EBF1: variants seen among roughly 807,000 people sequenced by gnomAD.
EBF1 encodes the protein transcription factor COE1.
EBF1 carries 10 observed loss-of-function variants against 68.4 expected under a neutral mutation model. The observed-to-expected ratio is 0.15, with a 90% CI of 0.09 to 0.25. The LOEUF (loss-of-function observed/expected upper bound fraction) is 0.25, where lower values mean the gene tolerates loss of function less well. Ranked by LOEUF, EBF1 falls within the 10% of genes least tolerant of loss-of-function variation. EBF1 has a pLI of 1.00. For synonymous variants in EBF1, 298 were observed against 299.8 expected, an observed-to-expected ratio of 0.99 and a Z score of 0.06; for missense variants, 509 against 794.4, an observed-to-expected ratio of 0.64 and a Z score of 4.32.
intron 6 of EBF1, among the ~76,000 whole-genome samples, chr5:158,848,068 G>A (rs1791880104): frequency 6.6e-6 from 1 of 152,212 alleles, no homozygotes; most frequent in Admixed American, 6.5e-5. Context: ...ACTGCACCAT[G>A]TGTAAGGCCG....
At chr5:159,013,199 A>G (rs1398546686) in intron 6 of EBF1, among the ~76,000 whole-genome samples, 3 of 152,176 alleles carry the variant, frequency 2.0e-5, no homozygotes, top group Non-Finnish European at 2.9e-5. Context: ...ATGATCCATA[A>G]GTAATATATG....
At chr5:159,062,923 C>T (rs951728566) in intron 6 of EBF1, among the ~76,000 whole-genome samples, 3 of 152,148 alleles carry the variant, frequency 2.0e-5, no homozygotes, top group South Asian at 2.1e-4. Flanking sequence ...GCATGGTAAT[C>T]GTGTGAAGAT....
chr5:158,738,468 A>G (rs998516856), intron 10 of EBF1, among the ~76,000 whole-genome samples: 1 of 152,208 alleles, frequency 6.6e-6, no homozygotes, highest in Non-Finnish European at 1.5e-5. Context: ...CTTGAACTCA[A>G]TTATTCTCTA....
intron 6 of EBF1, among the ~76,000 whole-genome samples, chr5:158,948,374 G>A (rs1231457163): frequency 2.7e-5 from 4 of 149,566 alleles, no homozygotes; most frequent in African/African-American, 9.8e-5. Context: ...ACACTGGAAT[G>A]TTTAAAAAAA....
intron 9 of EBF1, 152 bp from the exon 10 acceptor site, chr5:158,777,691 G>T: frequency 1.3e-6 from 1 of 757,352 alleles, no homozygotes. Flanking sequence ...GAAAGACACT[G>T]ACAACAATAT....
chr5:159,008,985 G>A (rs1451683052), intron 6 of EBF1, among the ~76,000 whole-genome samples: 1 of 152,156 alleles, frequency 6.6e-6, no homozygotes, highest in Non-Finnish European at 1.5e-5. Flanking sequence ...GGAAGTAGGA[G>A]GTGATTTTGA....
Position 159,002,455 on chromosome 5 carries a change from A to G in EBF1, c.554+70941T>C, listed in dbSNP as rs1363449632. Among the ~76,000 whole-genome samples, 3 of 152,216 alleles carry G rather than the reference A, an allele frequency of 2.0e-5. No homozygotes were observed. The East Asian group carries it at 5.8e-4, about 29-fold the overall frequency. On this transcript the variant is annotated intron_variant, in intron 6 of 15. Coordinates refer to ENST00000313708, the MANE Select transcript of EBF1 (RefSeq NM_024007.5). ...TTGTCAACACAGTGATTGATGGTGT[A>G]GTTCATTAATGTGAGACGATTGTCA... is the stretch of plus-strand genomic sequence containing the variant.
chr5:159,094,187 A>C (rs1190871344), intron 4 of EBF1, among the ~76,000 whole-genome samples: 3 of 146,754 alleles, frequency 2.0e-5, no homozygotes, highest in Non-Finnish European at 3.0e-5. Context: ...AAAAAAAAAA[A>C]AAAAAAACAC....
chr5:158,915,419 A>T (rs1806942273), intron 6 of EBF1, among the ~76,000 whole-genome samples: 1 of 152,252 alleles, frequency 6.6e-6, no homozygotes, highest in Non-Finnish European at 1.5e-5. Context: ...ATGCAAAAAC[A>T]TGTGGAAAGA....
intron 6 of EBF1, among the ~76,000 whole-genome samples, chr5:158,854,530 A>C (rs966874352): frequency 6.6e-6 from 1 of 152,216 alleles, no homozygotes; most frequent in African/African-American, 2.4e-5. Flanking sequence ...CAGACAGTGA[A>C]TAGAGACACA....
intron 9 of EBF1, among the ~76,000 whole-genome samples, chr5:158,783,268 A>G (rs1167715165): frequency 1.3e-5 from 2 of 152,212 alleles, no homozygotes; most frequent in Non-Finnish European, 2.9e-5. Context: ...ATTATGAGAA[A>G]AATGTTATTT....
intron 6 of EBF1, among the ~76,000 whole-genome samples, chr5:158,849,153 G>A (rs955596439): frequency 3.9e-5 from 6 of 152,200 alleles, no homozygotes; most frequent in African/African-American, 1.2e-4. Flanking sequence ...GGATGATAGA[G>A]TATTCAAGTA....
At chr5:159,058,851 A>G (rs894418185) in intron 6 of EBF1, among the ~76,000 whole-genome samples, 3 of 152,324 alleles carry the variant, frequency 2.0e-5, no homozygotes, top group African/African-American at 7.2e-5. Context: ...CCATAAGGCC[A>G]TTCATGTCAA....
chr5:158,847,001 G>A (rs1327840047), intron 6 of EBF1, among the ~76,000 whole-genome samples: 1 of 152,186 alleles, frequency 6.6e-6, no homozygotes, highest in African/African-American at 2.4e-5. Context: ...GTACCGAGTT[G>A]TGGCACTATC....
chr5:158,920,153 ATG>A (rs139876400), intron 6 of EBF1, among the ~76,000 whole-genome samples: 10,439 of 151,120 alleles, frequency 0.069, 451 homozygotes, highest in Non-Finnish European at 0.091. Context: ...TTATATACAT[ATG>A]TGTGTGTGTG....
intron 8 of EBF1, among the ~76,000 whole-genome samples, chr5:158,817,482 C>T (rs528219943): frequency 1.9e-4 from 29 of 152,122 alleles, no homozygotes; most frequent in Non-Finnish European, 3.8e-4. Context: ...GCCTTTTCAC[C>T]TTTCCACAAT....
At chr5:158,996,781 A>C (rs1761500238) in intron 6 of EBF1, among the ~76,000 whole-genome samples, 1 of 152,244 alleles carries the variant, frequency 6.6e-6, no homozygotes, top group Non-Finnish European at 1.5e-5. Flanking sequence ...GAAGGCTCAC[A>C]TCTTACGTGT....
rs532633474 is a variant in EBF1, at chr5:158,760,702, C to T, written c.1036+16711G>A. On this transcript the variant is annotated intron_variant, in intron 10 of 15. Coordinates refer to ENST00000313708, the MANE Select transcript of EBF1 (RefSeq NM_024007.5). ...GAGCAATCTCAGGTGCGATCTTATACCGTAAAGGACTGGATCAATACTCCC... is the reference window on the plus strand; with the variant it reads ...GAGCAATCTCAGGTGCGATCTTATATCGTAAAGGACTGGATCAATACTCCC... 2.0e-5 allele frequency among the ~76,000 whole-genome samples: 3 copies of T among 152,240 alleles called. No homozygotes were observed. In the South Asian group the frequency reaches 6.2e-4, roughly 32 times the overall value.
intron 11 of EBF1, among the ~76,000 whole-genome samples, chr5:158,728,783 T>G (rs1227613807): frequency 6.6e-6 from 1 of 152,166 alleles, no homozygotes; most frequent in East Asian, 1.9e-4. Context: ...CAGGCTAGTA[T>G]CCAATTCCTG....
Sources: gnomAD v4.1 joint callset for allele counts (sites outside exome capture counted in the v4.1 genomes callset) on GRCh38, gnomAD v4.1.1 for gene constraint, MANE v1.5 for transcripts, NCBI Gene and HGNC (gene_info 2026-07-23, HGNC 2026-07-21) for gene names.